The following TMEM132D variants were observed in gnomAD, a reference collection of about 807,000 sequenced individuals.
The protein encoded by TMEM132D is mature OL transmembrane protein.
TMEM132D carries 21 observed loss-of-function variants against 62.3 expected under a neutral mutation model. That is an observed-to-expected ratio of 0.34 (90% confidence interval 0.24 to 0.49). TMEM132D has a LOEUF of 0.49. Among genes scored for constraint, TMEM132D ranks in the 20% least tolerant of loss-of-function variants. The probability of loss-of-function intolerance (pLI) is 0.99; values close to 1 mark genes in which losing one functional copy is unlikely to be tolerated. For synonymous variants in TMEM132D, 621 were observed against 575.6 expected (o/e 1.08, Z -1.13); for missense variants, 1,346 against 1,402.8 (o/e 0.96, Z 0.65).
chr12:129,847,260 T>A (rs1474914766), intron 1 of TMEM132D, among the ~76,000 whole-genome samples: 1 of 152,148 alleles, frequency 6.6e-6, no homozygotes, highest in African/African-American at 2.4e-5. Flanking sequence ...CATTTTTGTC[T>A]CTCTAGGTCA....
chr12:129,629,515 G>C lies in TMEM132D; in HGVS notation c.968+70295C>G, dbSNP rs77677432. Reference sequence around the variant, plus strand: ...TCCCCACCTAGGAGGCATCTTCCTTGATCCCATCTCGGTTTAACTCTGCCT... The same window carrying C: ...TCCCCACCTAGGAGGCATCTTCCTTCATCCCATCTCGGTTTAACTCTGCCT... On this transcript the variant is annotated intron_variant, in intron 2 of 8. Transcript: ENST00000422113. Among the ~76,000 whole-genome samples the C allele has an allele frequency of 2.3e-3, 349 of 152,182 alleles. 12 individuals are homozygous for C. The East Asian group carries it at 0.055, about 24-fold the overall frequency.
chr12:129,863,795 G>T (rs546408912), intron 1 of TMEM132D, among the ~76,000 whole-genome samples: 5 of 152,102 alleles, frequency 3.3e-5, no homozygotes, highest in South Asian at 2.1e-4. Context: ...GTTTTTTTGG[G>T]GGGGGCAGGG....
intron 2 of TMEM132D, among the ~76,000 whole-genome samples, chr12:129,649,566 T>A (rs746047045): frequency 2.0e-5 from 3 of 152,212 alleles, no homozygotes; most frequent in Non-Finnish European, 4.4e-5. Flanking sequence ...TTAACTCTCA[T>A]AAGTTACTGA....
intron 2 of TMEM132D, among the ~76,000 whole-genome samples, chr12:129,639,155 G>T (rs1879577033): frequency 6.6e-6 from 1 of 151,954 alleles, no homozygotes; most frequent in Non-Finnish European, 1.5e-5. Context: ...GGCTGAGGCG[G>T]GCGGATCACT....
chr12:129,618,416 G>A (rs150699047), intron 2 of TMEM132D, among the ~76,000 whole-genome samples: 101 of 152,268 alleles, frequency 6.6e-4, no homozygotes, highest in Non-Finnish European at 1.1e-3. Context: ...GTGTTTGTTC[G>A]CTTAACAGAC....
chr12:129,548,329 T>A (rs1388257484), intron 2 of TMEM132D, among the ~76,000 whole-genome samples: 1 of 152,196 alleles, frequency 6.6e-6, no homozygotes, highest in Non-Finnish European at 1.5e-5. Context: ...CCTGAATTTA[T>A]GTCTGCAGAG....
chr12:129,425,866 C>A (rs1483275800), intron 3 of TMEM132D, among the ~76,000 whole-genome samples: 1 of 152,166 alleles, frequency 6.6e-6, no homozygotes, highest in African/African-American at 2.4e-5. Flanking sequence ...GTCGACTTCC[C>A]AACGCCACAT....
chr12:129,762,587 G>A lies in TMEM132D; in HGVS notation c.80-61889C>T, dbSNP rs1870418168. Reference sequence around the variant, plus strand: ...GTTCTGCCTTCATAAGCACGGAGGGGAAACAGACAGTGCTAATGGCTGGAG... The same window carrying A: ...GTTCTGCCTTCATAAGCACGGAGGGAAAACAGACAGTGCTAATGGCTGGAG... On this transcript the variant is annotated intron_variant, in intron 1 of 8. Coordinates refer to ENST00000422113, the MANE Select transcript of TMEM132D (RefSeq NM_133448.3). 1.3e-5 allele frequency among the ~76,000 whole-genome samples: 2 copies of A among 151,938 alleles called. 1 individual carries two copies. The highest frequency in any genetic ancestry group is 4.2e-4 in the South Asian group (2 of 4,814).
At chr12:129,682,733 C>T (rs560155759) in intron 2 of TMEM132D, among the ~76,000 whole-genome samples, 107 of 151,776 alleles carry the variant, frequency 7.0e-4, no homozygotes, top group African/African-American at 2.1e-3. Flanking sequence ...GTGGCGGGTG[C>T]CTGTAGTCCC....
intron 1 of TMEM132D, among the ~76,000 whole-genome samples, chr12:129,834,685 G>A (rs986922859): frequency 1.3e-5 from 2 of 152,122 alleles, no homozygotes; most frequent in South Asian, 2.1e-4. Context: ...GGCATCAGGC[G>A]GCAGGGCTCA....
At chr12:129,790,623 T>A (rs1871376694) in intron 1 of TMEM132D, among the ~76,000 whole-genome samples, 1 of 151,882 alleles carries the variant, frequency 6.6e-6, no homozygotes, top group African/African-American at 2.4e-5. Context: ...CGGCACAGGA[T>A]GGGGGGGCAG....
intron 1 of TMEM132D, among the ~76,000 whole-genome samples, chr12:129,763,317 A>G (rs1870444746): frequency 6.6e-6 from 1 of 151,984 alleles, no homozygotes; most frequent in African/African-American, 2.4e-5. Context: ...GGCTCAAGCT[A>G]TCTTCCTGCC....
At chr12:129,608,305 A>G (rs971285774) in intron 2 of TMEM132D, among the ~76,000 whole-genome samples, 1 of 152,178 alleles carries the variant, frequency 6.6e-6, no homozygotes, top group African/African-American at 2.4e-5. Flanking sequence ...TGCCCAGACT[A>G]GGAGACAGAC....
intron 3 of TMEM132D, among the ~76,000 whole-genome samples, chr12:129,487,046 T>G (rs1593033482): frequency 7.7e-5 from 11 of 143,026 alleles, no homozygotes; most frequent in Admixed American, 2.1e-4. Flanking sequence ...GGGGGGGTTG[T>G]GGGTGTAGCT....
intron 3 of TMEM132D, among the ~76,000 whole-genome samples, chr12:129,504,927 G>C (rs968594167): frequency 6.6e-5 from 10 of 152,112 alleles, no homozygotes. Context: ...CTGTCGTTCA[G>C]TTCAAATAAT....
intron 1 of TMEM132D, among the ~76,000 whole-genome samples, chr12:129,755,934 G>C (rs1870154823): frequency 6.6e-6 from 1 of 152,130 alleles, no homozygotes; most frequent in African/African-American, 2.4e-5. Context: ...AGCTCACATA[G>C]AACCCAAAAA....
At chr12:129,599,418 G>A (rs1291976234) in intron 2 of TMEM132D, among the ~76,000 whole-genome samples, 1 of 152,096 alleles carries the variant, frequency 6.6e-6, no homozygotes, top group Non-Finnish European at 1.5e-5. Context: ...CTGCAAACAG[G>A]GTTTCCTTCC....
chr12:129,471,531 C>A (rs572222683), intron 3 of TMEM132D, among the ~76,000 whole-genome samples: 1 of 152,274 alleles, frequency 6.6e-6, no homozygotes, highest in Admixed American at 6.5e-5. Context: ...CTATTTCTGA[C>A]AAACGACAGT....
chr12:129,227,350 A>G (rs1879510274), intron 4 of TMEM132D, among the ~76,000 whole-genome samples: 1 of 119,408 alleles, frequency 8.4e-6, no homozygotes, highest in Non-Finnish European at 1.8e-5. Context: ...GTTTTTCCGA[A>G]GACACTTGAT....
Sources: allele counts gnomAD v4.1 joint callset (sites outside exome capture counted in the v4.1 genomes callset), GRCh38; gene constraint gnomAD v4.1.1; transcripts MANE v1.5; gene names NCBI Gene and HGNC (gene_info 2026-07-23, HGNC 2026-07-21).